The following MARCHF1 variants were observed in gnomAD, a reference collection of about 807,000 sequenced individuals.
MARCHF1 encodes the protein membrane associated ring-CH-type finger 1.
A neutral mutation model predicts 54.2 loss-of-function variants in MARCHF1; 40 were observed. The ratio of observed to expected loss-of-function variants is 0.74; its 90% confidence interval spans 0.57 to 0.96. The LOEUF (loss-of-function observed/expected upper bound fraction) is 0.96. Ranked by LOEUF, MARCHF1 falls within the 40% of genes least tolerant of loss-of-function variation. The pLI, the probability that MARCHF1 is intolerant of heterozygous loss-of-function variation, is 0.00. For missense variants in MARCHF1, 586 were observed against 656.5 expected, an observed-to-expected ratio of 0.89 and a Z score of 1.17; for synonymous variants, 236 against 236.3, an observed-to-expected ratio of 1.00 and a Z score of 0.01.
intron 1 of MARCHF1, among the ~76,000 whole-genome samples, chr4:164,374,486 T>G (rs1731128904): frequency 6.6e-6 from 1 of 152,116 alleles, no homozygotes; most frequent in South Asian, 2.1e-4. Flanking sequence ...TTCAAAAAAT[T>G]AAAGCCTTCT....
At chr4:163,949,558 C>A (rs1436575479) in intron 3 of MARCHF1, among the ~76,000 whole-genome samples, 2 of 152,196 alleles carry the variant, frequency 1.3e-5, no homozygotes, top group Admixed American at 1.3e-4. Context: ...TGTCTTGTGT[C>A]CAGAAAGAAT....
At chr4:163,763,599 C>G (rs1373003038) in intron 4 of MARCHF1, among the ~76,000 whole-genome samples, 1 of 151,920 alleles carries the variant, frequency 6.6e-6, no homozygotes, top group Non-Finnish European at 1.5e-5. Flanking sequence ...GAATGACTTT[C>G]CCCCCTTACG....
intron 3 of MARCHF1, among the ~76,000 whole-genome samples, chr4:163,910,145 A>C (rs1372503787): frequency 6.6e-6 from 1 of 152,202 alleles, no homozygotes; most frequent in African/African-American, 2.4e-5. Flanking sequence ...AGAATTCATT[A>C]GTTTATATCT....
At chr4:163,571,261 T>C (rs1739834655) in intron 8 of MARCHF1, among the ~76,000 whole-genome samples, 1 of 152,122 alleles carries the variant, frequency 6.6e-6, no homozygotes, top group Non-Finnish European at 1.5e-5. Context: ...TGTTTCAAAT[T>C]ATTTTGACTA....
chr4:164,029,700 T>C (rs1475730743), intron 2 of MARCHF1, among the ~76,000 whole-genome samples: 2 of 152,130 alleles, frequency 1.3e-5, no homozygotes, highest in Non-Finnish European at 2.9e-5. Flanking sequence ...GTTAAAGCGA[T>C]TCTCATGCCT....
At chr4:163,694,465 C>T (rs576434998) in intron 5 of MARCHF1, among the ~76,000 whole-genome samples, 4 of 152,304 alleles carry the variant, frequency 2.6e-5, no homozygotes, top group South Asian at 2.1e-4. Context: ...AAGCCTTGCT[C>T]CCTTGCCTCA....
At chr4:164,017,591 A>C (rs571869846) in intron 2 of MARCHF1, among the ~76,000 whole-genome samples, 1 of 152,128 alleles carries the variant, frequency 6.6e-6, no homozygotes, top group African/African-American at 2.4e-5. Flanking sequence ...AGAATACTTA[A>C]AGATAAATTA....
chr4:163,605,159 A>G (rs1392344151), intron 7 of MARCHF1, among the ~76,000 whole-genome samples: 1 of 152,016 alleles, frequency 6.6e-6, no homozygotes, highest in African/African-American at 2.4e-5. Context: ...ACAATTTCTT[A>G]ATTAAAAAAT....
rs773606314 is a variant in MARCHF1, at chr4:163,854,078, G to A, written c.54C>T (p.Asn18=). ...IARNPHRIPN[N]TRTPEISGDL... ...CCCCTGAGATCTCGGGTGTTCGCGT[G>A]TTGTTTGGAATTCTGTGAGGGTTAC... The change falls in exon 4 of 10, where the codon AAC becomes AAT. Residue 18 remains asparagine (N), a synonymous_variant. Coordinates refer to ENST00000514618, the MANE Select transcript of MARCHF1 (RefSeq NM_001394959.1). The A allele has an allele frequency of 2.6e-6, 4 of 1,536,906 alleles. No homozygotes were observed. In the South Asian group the frequency reaches 3.6e-5, roughly 14 times the overall value.
At chr4:164,066,571 T>C (rs1463739726) in intron 2 of MARCHF1, among the ~76,000 whole-genome samples, 1 of 152,220 alleles carries the variant, frequency 6.6e-6, no homozygotes, top group Non-Finnish European at 1.5e-5. Flanking sequence ...TGTATGTGCA[T>C]GTTCATTGAA....
intron 5 of MARCHF1, among the ~76,000 whole-genome samples, chr4:163,653,560 G>A (rs1256627573): frequency 6.6e-6 from 1 of 151,624 alleles, no homozygotes; most frequent in African/African-American, 2.4e-5. Context: ...TGATAGAGGA[G>A]GTGAAAAGTG....
chr4:163,563,822 T>C (rs1401301430), intron 8 of MARCHF1, among the ~76,000 whole-genome samples: 1 of 152,236 alleles, frequency 6.6e-6, no homozygotes, highest in Non-Finnish European at 1.5e-5. Flanking sequence ...GTCATTAACA[T>C]AGTGGATCTT....
At chr4:163,666,807 A>T (rs1203679676) in intron 5 of MARCHF1, among the ~76,000 whole-genome samples, 2 of 152,024 alleles carry the variant, frequency 1.3e-5, no homozygotes, top group Non-Finnish European at 2.9e-5. Context: ...AATGTAATTT[A>T]AAAACAATTT....
chr4:163,568,390 C>G (rs180998143), intron 8 of MARCHF1, among the ~76,000 whole-genome samples: 1 of 152,112 alleles, frequency 6.6e-6, no homozygotes, highest in Admixed American at 6.5e-5. Context: ...ATCTTAGTTT[C>G]TACTGTTTCT....
chr4:164,004,598 T>TA (rs765138980), intron 2 of MARCHF1, among the ~76,000 whole-genome samples: 11 of 151,894 alleles, frequency 7.2e-5, no homozygotes, highest in Non-Finnish European at 1.3e-4. Context: ...CTTGGGCAAT[T>TA]AAAAAAACTC....
chr4:163,529,187 TAGAA>T (rs1738258612), intron 9 of MARCHF1, 141 bp from the exon 10 acceptor site: 1 of 649,424 alleles, frequency 1.5e-6, no homozygotes. Context: ...TCTTCATAAC[TAGAA>T]AGAATTATAA....
chr4:163,566,978 A>C (rs1480704759), intron 8 of MARCHF1, among the ~76,000 whole-genome samples: 1 of 152,174 alleles, frequency 6.6e-6, no homozygotes, highest in Admixed American at 6.5e-5. Flanking sequence ...TCACCAACAC[A>C]CCTTGCATGC....
At chr4:163,581,024 G>A (rs1268147498) in intron 8 of MARCHF1, among the ~76,000 whole-genome samples, 1 of 43,840 alleles carries the variant, frequency 2.3e-5, no homozygotes, top group East Asian at 8.1e-4. Flanking sequence ...GGATGGTCTC[G>A]ATCTCCTGAC....
intron 3 of MARCHF1, among the ~76,000 whole-genome samples, chr4:163,972,320 A>C (rs28706191): frequency 0.044 from 6,756 of 152,194 alleles, 396 homozygotes; most frequent in East Asian, 0.13. Flanking sequence ...CACGTTCTGC[A>C]CATGTATCCC....
Sources: allele counts gnomAD v4.1 joint callset (sites outside exome capture counted in the v4.1 genomes callset), GRCh38; gene constraint gnomAD v4.1.1; transcripts MANE v1.5; gene names NCBI Gene and HGNC (gene_info 2026-07-23, HGNC 2026-07-21).